STK3: variants seen among roughly 807,000 people sequenced by gnomAD.
The protein encoded by STK3 is serine/threonine kinase 3.
STK3 carries 41 observed loss-of-function variants against 58.0 expected under a neutral mutation model. The observed-to-expected ratio is 0.71, with a 90% CI of 0.55 to 0.92. STK3 has a LOEUF of 0.92. Among genes scored for constraint, STK3 ranks in the 40% least tolerant of loss-of-function variants. The probability of loss-of-function intolerance (pLI) is 0.00; values close to 1 mark genes in which losing one functional copy is unlikely to be tolerated. For missense variants in STK3, 479 were observed against 602.7 expected (o/e 0.79, Z 2.15); for synonymous variants, 170 against 191.0 (o/e 0.89, Z 0.91).
chr8:98,828,231 C>T (rs1835384947), upstream of STK3, among the ~76,000 whole-genome samples: 3 of 152,070 alleles, frequency 2.0e-5, no homozygotes, highest in South Asian at 6.2e-4. Context: ...CCACCTCAGC[C>T]ACCCAAAGTG....
intron 6 of STK3, among the ~76,000 whole-genome samples, chr8:98,697,182 T>A (rs576798423): frequency 4.1e-4 from 62 of 152,360 alleles, no homozygotes; most frequent in African/African-American, 1.5e-3. Flanking sequence ...TAGTTTGTAT[T>A]TCTGTGGGAT....
chr8:98,506,576 T>G (rs1824099576), intron 10 of STK3, among the ~76,000 whole-genome samples: 1 of 152,132 alleles, frequency 6.6e-6, no homozygotes, highest in Non-Finnish European at 1.5e-5. Flanking sequence ...CCAGGTGAAG[T>G]GGCAGATGCC....
rs76215091 is a variant in STK3, at chr8:98,819,125, A to G, written c.26+6390T>C. 8.6e-3 allele frequency among the ~76,000 whole-genome samples: 1,315 copies of G among 152,162 alleles called. 14 individuals are homozygous for G. The highest frequency in any genetic ancestry group is 0.029 in the African/African-American group (1,224 of 41,510). The stretch of plus-strand genomic sequence containing the variant: ...GGCGTGAGCCACCGTGCCCAGCCCA[A>G]TGAACGTTTTTGAGACAGGGTCTTG... On this transcript the variant is annotated intron_variant, in intron 1 of 10. Coordinates refer to ENST00000419617, the MANE Select transcript of STK3 (RefSeq NM_006281.4).
At chr8:98,463,896 A>T (rs1485488759) in intron 10 of STK3, among the ~76,000 whole-genome samples, 3 of 152,196 alleles carry the variant, frequency 2.0e-5, no homozygotes, top group Admixed American at 2.0e-4. Context: ...TGGAACAATC[A>T]GTCTGTCAAA....
Position 98,744,043 on chromosome 8 carries a change from A to G in STK3, c.351+5233T>C, listed in dbSNP as rs964701871. Among the ~76,000 whole-genome samples the G allele has an allele frequency of 8.6e-5, 13 of 151,982 alleles. 1 individual carries two copies. Among genetic ancestry groups the G allele is most frequent in the African/African-American group, 2.7e-4 (11 of 41,406 alleles). ...AAACCACAATGAGATACCATCTCAC[A>G]CCAGTTAGAATGGCAATCATTAAAA... On this transcript the variant is annotated intron_variant, in intron 4 of 10. Coordinates refer to ENST00000419617, the MANE Select transcript of STK3 (RefSeq NM_006281.4).
intron 3 of STK3, among the ~76,000 whole-genome samples, chr8:98,423,914 G>C (rs1479137746): frequency 6.6e-6 from 1 of 152,178 alleles, no homozygotes; most frequent in African/African-American, 2.4e-5. Context: ...CCCTTCCCAG[G>C]GTGCCTCTCC....
the STK3 span, among the ~76,000 whole-genome samples, chr8:98,353,830 G>A: frequency 6.6e-6 from 1 of 152,126 alleles, no homozygotes; most frequent in Non-Finnish European, 1.5e-5. Flanking sequence ...GAGACCAAAG[G>A]AACCAGGAGG....
intron 3 of STK3, among the ~76,000 whole-genome samples, chr8:98,420,907 G>A (rs1818166155): frequency 6.6e-6 from 1 of 152,214 alleles, no homozygotes; most frequent in Admixed American, 6.5e-5. Flanking sequence ...TTATGAGTGT[G>A]GGACTCTCAT....
At chr8:98,652,417 C>T (rs1305978641) in intron 6 of STK3, among the ~76,000 whole-genome samples, 2 of 152,154 alleles carry the variant, frequency 1.3e-5, no homozygotes, top group Non-Finnish European at 2.9e-5. Context: ...GAAGAAACTG[C>T]ATCAACTAAC....
chr8:98,485,508 AT>A (rs933737350), intron 10 of STK3, among the ~76,000 whole-genome samples: 1 of 152,334 alleles, frequency 6.6e-6, no homozygotes, highest in African/African-American at 2.4e-5. Flanking sequence ...AGCAATTACA[AT>A]TTGAAAGTAG....
At chr8:98,566,695 G>C (rs1812509783) in intron 8 of STK3, among the ~76,000 whole-genome samples, 1 of 152,102 alleles carries the variant, frequency 6.6e-6, no homozygotes, top group Non-Finnish European at 1.5e-5. Flanking sequence ...AGTCTGGACT[G>C]GAAACAGCTA....
intron 1 of STK3, among the ~76,000 whole-genome samples, chr8:98,888,959 C>T (rs1838096050): frequency 6.6e-6 from 1 of 152,170 alleles, no homozygotes; most frequent in Non-Finnish European, 1.5e-5. Flanking sequence ...GAAAAGTCTG[C>T]CAGGATCTTC....
intron 1 of STK3, among the ~76,000 whole-genome samples, chr8:98,934,955 C>T (rs1378561075): frequency 7.4e-6 from 1 of 135,380 alleles, no homozygotes; most frequent in East Asian, 1.9e-4. Context: ...AATAACATGA[C>T]ATATATAAAG....
intron 8 of STK3, among the ~76,000 whole-genome samples, chr8:98,573,567 CCAAACCATAT>C (rs1813138156): frequency 6.6e-6 from 1 of 152,128 alleles, no homozygotes; most frequent in African/African-American, 2.4e-5. Flanking sequence ...GGCAACACAG[CCAAACCATAT>C]CATTCTGCCC....
chr8:98,787,252 G>T (rs996516600), intron 1 of STK3, among the ~76,000 whole-genome samples: 7 of 148,922 alleles, frequency 4.7e-5, no homozygotes, highest in African/African-American at 1.7e-4. Context: ...AAAAACTTCA[G>T]GAAACAATGG....
chr8:98,919,230 T>G (rs1234970035), intron 1 of STK3, among the ~76,000 whole-genome samples: 2 of 152,226 alleles, frequency 1.3e-5, no homozygotes, highest in Non-Finnish European at 1.5e-5. Context: ...GAGGGACATT[T>G]TGAGGCTAAT....
intron 9 of STK3, among the ~76,000 whole-genome samples, chr8:98,547,485 A>G (rs1810797693): frequency 6.6e-6 from 1 of 152,162 alleles, no homozygotes; most frequent in Non-Finnish European, 1.5e-5. Flanking sequence ...CATGCAACTG[A>G]ATCTTCTGTA....
At chr8:98,636,996 C>A (rs1285717867) in intron 6 of STK3, among the ~76,000 whole-genome samples, 1 of 150,620 alleles carries the variant, frequency 6.6e-6, no homozygotes, top group East Asian at 1.9e-4. Flanking sequence ...CCATTTTGGA[C>A]AATGCTAACT....
At chr8:98,370,946 G>A (rs1044496912), downstream of STK3, among the ~76,000 whole-genome samples, 1 of 152,186 alleles carries the variant, frequency 6.6e-6, no homozygotes, top group African/African-American at 2.4e-5. Context: ...GGTATTATAT[G>A]TGAAAGACTT....
Sources: allele counts gnomAD v4.1 joint callset (sites outside exome capture counted in the v4.1 genomes callset), GRCh38; gene constraint gnomAD v4.1.1; transcripts MANE v1.5; gene names NCBI Gene and HGNC (gene_info 2026-07-23, HGNC 2026-07-21).